Variants in PPFIBP2 observed in about 807,000 individuals in gnomAD.
PPFIBP2 encodes the protein liprin-beta-2.
PPFIBP2 carries 118 observed loss-of-function variants against 118.3 expected under a neutral mutation model. That is an observed-to-expected ratio of 1.00 (90% confidence interval 0.86 to 1.16). PPFIBP2 has a LOEUF of 1.16. PPFIBP2 is among the 50% of genes most tolerant of loss of function. PPFIBP2 has a pLI of 0.00. For missense variants in PPFIBP2, 1,195 were observed against 1,073.1 expected (o/e 1.11, Z -1.59); for synonymous variants, 414 against 397.4 (o/e 1.04, Z -0.50).
At chr11:7,602,777 AT>A (rs1006173519) in intron 5 of PPFIBP2, among the ~76,000 whole-genome samples, 2 of 151,992 alleles carry the variant, frequency 1.3e-5, no homozygotes, top group Admixed American at 1.3e-4. Context: ...AGGCAACTTC[AT>A]TTTTTTTACT....
At chr11:7,615,494 G>A (rs941679270) in intron 6 of PPFIBP2, among the ~76,000 whole-genome samples, 1 of 152,204 alleles carries the variant, frequency 6.6e-6, no homozygotes, top group Non-Finnish European at 1.5e-5. Flanking sequence ...GATGAAAATA[G>A]ATGTGTTCCT....
chr11:7,531,895 GCACGATCT>G (rs1850722609), intron 1 of PPFIBP2, among the ~76,000 whole-genome samples: 1 of 151,996 alleles, frequency 6.6e-6, no homozygotes, highest in African/African-American at 2.4e-5. Context: ...GAGCGCAGTG[GCACGATCT>G]TGGCTCACAG....
At position 7,525,808 on chromosome 11, in the gene PPFIBP2, T is replaced by G. The variant is rs146186056; in HGVS notation, c.-37+11687T>G. On this transcript the variant is annotated intron_variant, in intron 1 of 23. Transcript: ENST00000299492. ...GGGTTTAGACCTTGGTAGAGGATCT[T>G]TTCCCTGCATTGGCTGAGACTGGCC... 4.6e-3 allele frequency among the ~76,000 whole-genome samples: 699 copies of G among 152,298 alleles called. 5 individuals carry two copies. Among genetic ancestry groups the G allele is most frequent in the African/African-American group, 0.016 (651 of 41,570 alleles).
chr11:7,661,823 G>C (rs1693243362), downstream of PPFIBP2, among the ~76,000 whole-genome samples: 1 of 98,592 alleles, frequency 1.0e-5, no homozygotes, highest in East Asian at 2.1e-4. Flanking sequence ...TTATGAATCT[G>C]GGTGCTCCTG....
intron 6 of PPFIBP2, among the ~76,000 whole-genome samples, chr11:7,615,821 C>T (rs768209125): frequency 6.6e-6 from 1 of 152,176 alleles, no homozygotes; most frequent in Admixed American, 6.5e-5. Flanking sequence ...TAGGCATAAA[C>T]AGACATGCAC....
intron 1 of PPFIBP2, among the ~76,000 whole-genome samples, chr11:7,532,730 T>A (rs1470794836): frequency 7.9e-5 from 12 of 152,220 alleles, no homozygotes; most frequent in Non-Finnish European, 1.2e-4. Flanking sequence ...GCCAGGCTGT[T>A]GTTGACAGTG....
intron 15 of PPFIBP2, 97 bp downstream of exon 15, chr11:7,639,967 A>C (rs1479324296): frequency 7.5e-6 from 11 of 1,466,646 alleles, no homozygotes; most frequent in Non-Finnish European, 9.1e-6. Flanking sequence ...ACAATCCACA[A>C]TTGGAGAATG....
chr11:7,661,450 G>A (rs547846118), downstream of PPFIBP2, among the ~76,000 whole-genome samples: 27 of 151,614 alleles, frequency 1.8e-4, no homozygotes, highest in South Asian at 3.4e-3. Context: ...CCATGCAGTC[G>A]GGTGGTTTTG....
At chr11:7,537,074 C>A (rs549997583) in intron 1 of PPFIBP2, among the ~76,000 whole-genome samples, 1 of 152,126 alleles carries the variant, frequency 6.6e-6, no homozygotes, top group Non-Finnish European at 1.5e-5. Flanking sequence ...CCCGCCTCCT[C>A]CTCCTACGTT....
At chr11:7,575,887 G>A (rs1253586702) in intron 3 of PPFIBP2, among the ~76,000 whole-genome samples, 1 of 152,224 alleles carries the variant, frequency 6.6e-6, no homozygotes, top group East Asian at 1.9e-4. Flanking sequence ...CTAGAGCTCA[G>A]CGCATGGGCA....
chr11:7,533,399 A>T (rs1271103343), intron 1 of PPFIBP2, among the ~76,000 whole-genome samples: 2 of 152,228 alleles, frequency 1.3e-5, no homozygotes, highest in Non-Finnish European at 2.9e-5. Context: ...TTTTGTGTCA[A>T]CAAACATTTA....
At position 7,565,684 on chromosome 11, in the gene PPFIBP2, C is replaced by T. The variant is rs199516445; in HGVS notation, c.196C>T (p.Leu66Phe). The T allele has an allele frequency of 8.0e-5, 129 of 1,614,076 alleles. No homozygotes were observed. Among genetic ancestry groups the T allele is most frequent in the Admixed American group, 1.0e-4 (6 of 60,008 alleles). Residue 66 changes from leucine (L) to phenylalanine (F), a missense_variant, in exon 3 of 24, where the codon CTT (leucine) becomes TTT (phenylalanine). Physicochemically the swap from Leu to Phe is conservative, Grantham distance 22. Coordinates refer to ENST00000299492, the MANE Select transcript of PPFIBP2 (RefSeq NM_003621.5). ...DLRLALEMLE[L>F]PQERAALLSQ... Reference sequence around the variant, plus strand: ...GAGGCTGGCCTTGGAGATGCTGGAGCTTCCTCAGGAGAGAGCAGCCCTCCT... The same window carrying T: ...GAGGCTGGCCTTGGAGATGCTGGAGTTTCCTCAGGAGAGAGCAGCCCTCCT...
At chr11:7,522,393 G>A (rs1020544797) in intron 1 of PPFIBP2, among the ~76,000 whole-genome samples, 1 of 152,206 alleles carries the variant, frequency 6.6e-6, no homozygotes, top group Admixed American at 6.5e-5. Flanking sequence ...GATTCTTTTG[G>A]AATCAGAAGG....
At chr11:7,585,763 C>T (rs909308921) in intron 3 of PPFIBP2, among the ~76,000 whole-genome samples, 2 of 152,166 alleles carry the variant, frequency 1.3e-5, no homozygotes, top group African/African-American at 4.8e-5. Flanking sequence ...ATCTGAACAG[C>T]CACTGCAGTC....
chr11:7,535,280 A>G (rs187401916), intron 1 of PPFIBP2, among the ~76,000 whole-genome samples: 1 of 152,308 alleles, frequency 6.6e-6, no homozygotes, highest in East Asian at 1.9e-4. Context: ...GCATTGAAAA[A>G]TTAGTTTTGA....
At chr11:7,619,727 G>T (rs748323370) in intron 6 of PPFIBP2, among the ~76,000 whole-genome samples, 1 of 152,336 alleles carries the variant, frequency 6.6e-6, no homozygotes, top group Non-Finnish European at 1.5e-5. Context: ...TGCATACATA[G>T]AGGAGGAAGG....
At chr11:7,517,497 A>G (rs892390114) in intron 1 of PPFIBP2, among the ~76,000 whole-genome samples, 3 of 151,910 alleles carry the variant, frequency 2.0e-5, no homozygotes, top group African/African-American at 7.3e-5. Context: ...GTTGGGTACT[A>G]CGGGGAATGT....
intron 6 of PPFIBP2, among the ~76,000 whole-genome samples, chr11:7,618,700 CT>C (rs1210042425): frequency 9.4e-5 from 14 of 148,160 alleles, no homozygotes; most frequent in Admixed American, 2.0e-4. Context: ...TTTTCTTTTT[CT>C]TTTTTTTTTA....
At chr11:7,533,211 G>C (rs903765830) in intron 1 of PPFIBP2, among the ~76,000 whole-genome samples, 1 of 152,106 alleles carries the variant, frequency 6.6e-6, no homozygotes, top group African/African-American at 2.4e-5. Flanking sequence ...TTCCCCTTAT[G>C]GTAGAGACGC....
Sources: allele counts gnomAD v4.1 joint callset (sites outside exome capture counted in the v4.1 genomes callset), GRCh38; gene constraint gnomAD v4.1.1; transcripts MANE v1.5; gene names NCBI Gene and HGNC (gene_info 2026-07-23, HGNC 2026-07-21).